Variants in IGSF10 observed in about 807,000 individuals in gnomAD.
IGSF10 encodes immunoglobulin superfamily member 10, also known as calvaria mechanical force protein 608.
IGSF10 carries 126 observed loss-of-function variants against 128.2 expected under a neutral mutation model. That is an observed-to-expected ratio of 0.98 (90% confidence interval 0.85 to 1.14). The LOEUF is 1.14. IGSF10 is among the 50% of genes most tolerant of loss of function. IGSF10 has a pLI of 0.00. For missense variants in IGSF10, 3,295 were observed against 3,149.8 expected (o/e 1.05, Z -1.10); for synonymous variants, 1,185 against 1,146.2 (o/e 1.03, Z -0.68).
the IGSF10 span, among the ~76,000 whole-genome samples, chr3:151,515,535 G>A: frequency 6.6e-6 from 1 of 150,454 alleles, no homozygotes; most frequent in Admixed American, 6.6e-5. Context: ...CGAGTTAATG[G>A]GTGCAGCACA....
At chr3:151,479,139 G>C in the IGSF10 span, among the ~76,000 whole-genome samples, 24 of 152,234 alleles carry the variant, frequency 1.6e-4, no homozygotes, top group African/African-American at 4.3e-4. Flanking sequence ...TGTAGGAGTT[G>C]AAAGAGCTAA....
chr3:151,555,074 G>A, the IGSF10 span, among the ~76,000 whole-genome samples: 1 of 152,104 alleles, frequency 6.6e-6, no homozygotes, highest in Admixed American at 6.6e-5. Context: ...AGGCTTTAAA[G>A]TGGCAAGGAA....
At chr3:151,563,189 C>T in the IGSF10 span, among the ~76,000 whole-genome samples, 1 of 152,046 alleles carries the variant, frequency 6.6e-6, no homozygotes, top group South Asian at 2.1e-4. Flanking sequence ...TCTTCTCACC[C>T]TGCGGCCCTC....
chr3:151,442,991 G>T lies in IGSF10; in HGVS notation c.5956C>A (p.Gln1986Lys). The T allele has an allele frequency of 6.2e-7, 1 of 1,613,258 alleles. No homozygotes were observed. The highest frequency in any genetic ancestry group is 1.1e-5 in the South Asian group (1 of 90,948). ...RLPSKAVVDQ[Q>K]HRVGSWIHVY... is the part of the protein sequence containing the mutation. Reference sequence around the variant, plus strand: ...CCAAAGGTATAGACTTACCTATGCTGCTGGTCGACCACAGCCTTGGATGGT... The same window carrying T: ...CCAAAGGTATAGACTTACCTATGCTTCTGGTCGACCACAGCCTTGGATGGT... The change falls in exon 7 of 8, where the codon CAG becomes AAG. Residue 1986 changes from glutamine to lysine, a missense_variant. Physicochemically the swap from Gln to Lys is moderately conservative, Grantham distance 53. Transcript: ENST00000282466.
At chr3:151,479,896 T>C in the IGSF10 span, among the ~76,000 whole-genome samples, 1 of 152,206 alleles carries the variant, frequency 6.6e-6, no homozygotes, top group South Asian at 2.1e-4. Context: ...AGAAACTTAT[T>C]ATCATGAAGA....
At chr3:151,589,327 C>T in the IGSF10 span, among the ~76,000 whole-genome samples, 3 of 152,270 alleles carry the variant, frequency 2.0e-5, no homozygotes, top group South Asian at 2.1e-4. Context: ...ATTCTGAGAG[C>T]GGCAATGAAG....
chr3:151,434,916 G>A (rs1197142928), downstream of IGSF10: 1 of 152,120 alleles, frequency 6.6e-6, no homozygotes, highest in East Asian at 1.9e-4. Flanking sequence ...TTTAGGTGAG[G>A]AAGTTATGCT....
upstream of IGSF10, among the ~76,000 whole-genome samples, chr3:151,462,985 T>C (rs1219289289): frequency 6.6e-6 from 1 of 152,208 alleles, no homozygotes; most frequent in African/African-American, 2.4e-5. Context: ...TATTCTTTAG[T>C]CAATTTCTAA....
Position 151,461,031 on chromosome 3 carries a change from A to G in IGSF10, c.-174T>C. The G allele has an allele frequency of 1.0e-6, 1 of 985,042 alleles. No homozygotes were observed. Among genetic ancestry groups the G allele is most frequent in the Non-Finnish European group, 1.2e-6 (1 of 829,866 alleles). The allele number at this position is 985,042 out of a possible 1,614,324, so 61.0% of individuals were successfully genotyped here. A position where few individuals can be genotyped will look rare whatever the true frequency, so the allele number is the denominator to read the frequency against. On this transcript the variant is annotated 5_prime_UTR_variant, in exon 1 of 8. Transcript: ENST00000282466. ...GGGCTCAGCTGCTGGGGTCGTGCGG[A>G]GCTGGTCCGGAGCTCTGGGAGGGAA...
chr3:151,487,184 AAC>A, the IGSF10 span, among the ~76,000 whole-genome samples: 2 of 152,024 alleles, frequency 1.3e-5, no homozygotes, highest in Admixed American at 6.6e-5. Flanking sequence ...AAACTACCAA[AAC>A]ACAATACTAT....
At chr3:151,574,937 T>C in the IGSF10 span, among the ~76,000 whole-genome samples, 1 of 152,126 alleles carries the variant, frequency 6.6e-6, no homozygotes. Flanking sequence ...TTGATGCTAT[T>C]CCTTTCTGTT....
chr3:151,543,991 C>A, the IGSF10 span, among the ~76,000 whole-genome samples: 1 of 152,202 alleles, frequency 6.6e-6, no homozygotes, highest in Non-Finnish European at 1.5e-5. Context: ...CTCACTGCAA[C>A]CTCTGCCTCC....
the IGSF10 span, among the ~76,000 whole-genome samples, chr3:151,483,152 T>C: frequency 3.3e-5 from 5 of 152,196 alleles, no homozygotes; most frequent in African/African-American, 1.2e-4. Flanking sequence ...ATTTGGAATG[T>C]GCCAATATTG....
chr3:151,507,542 C>G, the IGSF10 span, among the ~76,000 whole-genome samples: 4 of 152,142 alleles, frequency 2.6e-5, no homozygotes, highest in Non-Finnish European at 5.9e-5. Flanking sequence ...ACTTAGAGTT[C>G]TGCATGGCTG....
downstream of IGSF10, chr3:151,435,197 A>AC (rs1286719294): frequency 3.3e-5 from 5 of 149,986 alleles, no homozygotes; most frequent in South Asian, 4.2e-4. Flanking sequence ...ATGGAGCGAG[A>AC]CCCCAGCTCC....
At chr3:151,517,671 G>A in the IGSF10 span, among the ~76,000 whole-genome samples, 1 of 151,920 alleles carries the variant, frequency 6.6e-6, no homozygotes, top group Non-Finnish European at 1.5e-5. Context: ...GTAAGAATCT[G>A]ACCGAAAGGG....
At chr3:151,606,647 C>G in the IGSF10 span, among the ~76,000 whole-genome samples, 2 of 152,142 alleles carry the variant, frequency 1.3e-5, no homozygotes, top group Admixed American at 6.5e-5. Flanking sequence ...TTTGCAGGAG[C>G]AGGGGTGCCA....
the IGSF10 span, among the ~76,000 whole-genome samples, chr3:151,547,554 C>G: frequency 3.3e-5 from 5 of 152,050 alleles, no homozygotes; most frequent in African/African-American, 1.2e-4. Flanking sequence ...AACAGCTTCT[C>G]CTAGAGCCTG....
In IGSF10 at chr3:151,445,985, A is replaced by G; in HGVS notation, c.3996T>C (p.Tyr1332=). The G allele has an allele frequency of 1.9e-6, 3 of 1,614,174 alleles. No individual in the cohort carries two copies. The highest frequency in any genetic ancestry group is 2.5e-6 in the Non-Finnish European group (3 of 1,180,030). ...CTCTAGATCTCTCTGTTTGGGTTTC[A>G]TAAGTGATGACAGATGCAGGGAAGG... ...TPTFPASVIT[Y]ETQTERSRAQ... is the part of the protein sequence containing the mutation. Residue 1332 remains tyrosine (Y), a synonymous_variant, in exon 6 of 8, where the codon TAT becomes TAC. Transcript: ENST00000282466.
Sources: gnomAD v4.1 joint callset for allele counts (sites outside exome capture counted in the v4.1 genomes callset) on GRCh38, gnomAD v4.1.1 for gene constraint, MANE v1.5 for transcripts, NCBI Gene and HGNC (gene_info 2026-07-23, HGNC 2026-07-21) for gene names.